EI24: variants seen among roughly 807,000 people sequenced by gnomAD.
EI24 encodes etoposide-induced protein 2.4 homolog.
EI24 carries 21 observed loss-of-function variants against 48.6 expected under a neutral mutation model. The ratio of observed to expected loss-of-function variants is 0.43; its 90% CI spans 0.31 to 0.62. EI24 has a LOEUF of 0.62. Among genes scored for constraint, EI24 ranks in the 20% least tolerant of loss-of-function variants. The probability of loss-of-function intolerance (pLI) is 0.10; values close to 1 mark genes in which losing one functional copy is unlikely to be tolerated. For synonymous variants in EI24, 114 were observed against 145.5 expected, an observed-to-expected ratio of 0.78 and a Z score of 1.56; for missense variants, 280 against 410.5, an observed-to-expected ratio of 0.68 and a Z score of 2.75.
intron 5 of EI24, 90 bp downstream of exon 5, chr11:125,577,660 C>T: frequency 1.9e-6 from 2 of 1,072,844 alleles, no homozygotes; most frequent in Non-Finnish European, 2.7e-6. Context: ...TTCCTGTGTA[C>T]CAGGAGCTTT....
chr11:125,582,278 A>G, intron 9 of EI24, 68 bp from the exon 10 acceptor site: 1 of 1,368,830 alleles, frequency 7.3e-7, no homozygotes. Flanking sequence ...TGGAGCTTCT[A>G]ATATCTTCTT....
rs1450988358 is a variant in EI24 at position 125,583,867 on chromosome 11, C to T, written c.*184C>T. 2.8e-6 allele frequency: 2 copies of T among 706,304 alleles called. No individual in the cohort carries two copies. The highest frequency in any genetic ancestry group is 4.6e-6 in the Non-Finnish European group (2 of 433,920). The allele number at this position is 706,304 out of a possible 1,614,324, so 43.8% of individuals were successfully genotyped here. On this transcript the variant is annotated 3_prime_UTR_variant, in exon 11 of 11. Coordinates refer to ENST00000278903, the MANE Select transcript of EI24 (RefSeq NM_004879.5). ...GCACGTAAGGCAGAATGTTCCCTGA[C>T]ACCAGTGTGTGGATTTTTAACATCA...
chr11:125,571,924 C>A (rs1428182939), intron 1 of EI24, among the ~76,000 whole-genome samples: 2 of 152,152 alleles, frequency 1.3e-5, no homozygotes, highest in Non-Finnish European at 2.9e-5. Context: ...TTTTGGTACG[C>A]AATTTCATGT....
At chr11:125,576,485 A>C (rs1054030627) in intron 4 of EI24, among the ~76,000 whole-genome samples, 170 bp downstream of exon 4, 2 of 152,264 alleles carry the variant, frequency 1.3e-5, no homozygotes, top group African/African-American at 2.4e-5. Context: ...ATTCCCACTC[A>C]GGAAAGCACA....
At position 125,572,579 on chromosome 11, in the gene EI24, T is replaced by C. The variant is rs1426845918; in HGVS notation, c.42+10T>C. Reference sequence around the variant, plus strand: ...CCAGGACCTTGCCAGAGTGAGTACATCTTGTTTATAGGAATTCATCTCTCG... The same window carrying C: ...CCAGGACCTTGCCAGAGTGAGTACACCTTGTTTATAGGAATTCATCTCTCG... On this transcript the variant is annotated intron_variant, in intron 2 of 10. Transcript: ENST00000278903. 4 of 1,612,528 alleles carry C rather than the reference T, an allele frequency of 2.5e-6. No homozygotes were observed. The highest frequency in any genetic ancestry group is 3.4e-6 in the Non-Finnish European group (4 of 1,179,170).
chr11:125,583,314 G>A (rs2135877998), intron 10 of EI24, among the ~76,000 whole-genome samples: 1 of 152,254 alleles, frequency 6.6e-6, no homozygotes, highest in South Asian at 2.1e-4. Context: ...AAAGTGCTGG[G>A]ATTACAGGTA....
rs1287612278 is a variant in EI24, at chr11:125,584,109, A to G, written c.*426A>G. 4.9e-6 allele frequency: 1 copy of G among 203,568 alleles called. No homozygotes were observed. Among genetic ancestry groups the G allele is most frequent in the Non-Finnish European group, 1.0e-5 (1 of 98,068 alleles). The allele number at this position is 203,568 out of a possible 1,614,324, so 12.6% of individuals were successfully genotyped here. On this transcript the variant is annotated 3_prime_UTR_variant, in exon 11 of 11. Transcript: ENST00000278903. ...TAATTTTGTTGTTTTTCTGTGAAAC[A>G]CATACATTGGATATGGGAGGTAAAG... is the stretch of plus-strand genomic sequence containing the variant.
At chr11:125,577,629 C>A in intron 5 of EI24, 59 bp downstream of exon 5, 1 of 1,407,468 alleles carries the variant, frequency 7.1e-7, no homozygotes. Context: ...ATGTTTCAGT[C>A]TCCCTCAGTT....
intron 3 of EI24, chr11:125,575,946 G>A (rs376731976): frequency 1.0e-5 from 4 of 383,500 alleles, no homozygotes; most frequent in East Asian, 6.6e-5. Flanking sequence ...GCACCACCAC[G>A]CCTGGCTAAT....
chr11:125,583,011 AG>A (rs1939077582), intron 10 of EI24, among the ~76,000 whole-genome samples: 1 of 152,224 alleles, frequency 6.6e-6, no homozygotes, highest in Admixed American at 6.5e-5. Flanking sequence ...CTCAAATCAA[AG>A]TTAATCTAAA....
At chr11:125,578,383 A>G (rs1591358218) in intron 6 of EI24, 126 bp downstream of exon 6, 1 of 1,226,248 alleles carries the variant, frequency 8.2e-7, no homozygotes. Flanking sequence ...TTTCTTGGCC[A>G]GGTAGCCAGT....
In EI24 at chr11:125,577,486, G is replaced by A. The variant is rs772631713; in HGVS notation, c.250-18G>A. 1 of 1,607,882 alleles carries A rather than the reference G, an allele frequency of 6.2e-7. No individual in the cohort carries two copies. Among genetic ancestry groups the A allele is most frequent in the East Asian group, 2.2e-5 (1 of 44,820 alleles). Reference sequence around the variant, plus strand: ...AAGACTGGATTTTGATGTTTGCCTTGTTGCTTCTTTTCTTTAGTTCAGTCT... The same window carrying A: ...AAGACTGGATTTTGATGTTTGCCTTATTGCTTCTTTTCTTTAGTTCAGTCT... On this transcript the variant is annotated intron_variant, in intron 4 of 10. Coordinates refer to ENST00000278903, the MANE Select transcript of EI24 (RefSeq NM_004879.5).
chr11:125,574,529 T>G (rs1938657250), intron 2 of EI24, among the ~76,000 whole-genome samples: 1 of 152,242 alleles, frequency 6.6e-6, no homozygotes, highest in South Asian at 2.1e-4. Flanking sequence ...TGCCCATTTC[T>G]CTGTATTCCA....
At chr11:125,582,260 A>T in intron 9 of EI24, 86 bp from the exon 10 acceptor site, 2 of 1,271,414 alleles carry the variant, frequency 1.6e-6, no homozygotes, top group Admixed American at 2.7e-5. Context: ...ACTGGAAGCA[A>T]AAGAACTTGG....
chr11:125,574,137 C>A (rs1938641172), intron 2 of EI24, among the ~76,000 whole-genome samples: 1 of 151,974 alleles, frequency 6.6e-6, no homozygotes, highest in Non-Finnish European at 1.5e-5. Flanking sequence ...CCTATAATCC[C>A]AGCTACTCAG....
intron 9 of EI24, among the ~76,000 whole-genome samples, chr11:125,581,976 T>C (rs1440843753): frequency 6.6e-6 from 1 of 151,902 alleles, no homozygotes; most frequent in African/African-American, 2.4e-5. Context: ...GGTGGGCAGA[T>C]TACCTGAGGT....
intron 6 of EI24, 115 bp from the exon 7 acceptor site, chr11:125,578,834 T>C: frequency 7.7e-7 from 1 of 1,290,696 alleles, no homozygotes; most frequent in Non-Finnish European, 1.1e-6. Context: ...CCCAGCTTAT[T>C]TTTAAATAAG....
intron 6 of EI24, among the ~76,000 whole-genome samples, chr11:125,578,480 C>CTTTTTTTTTTT (rs370986926): frequency 7.1e-5 from 6 of 84,694 alleles, no homozygotes; most frequent in African/African-American, 9.5e-5. Flanking sequence ...TTCGTTTTGG[C>CTTTTTTTTTTT]TTTTTTTTTT....
intron 2 of EI24, among the ~76,000 whole-genome samples, chr11:125,572,846 T>TA (rs1204989922): frequency 4.7e-5 from 7 of 149,902 alleles, no homozygotes; most frequent in Admixed American, 6.6e-5. Flanking sequence ...TTTTTTTTTT[T>TA]AACTTTTTAT....
Sources: gnomAD v4.1 joint callset for allele counts (sites outside exome capture counted in the v4.1 genomes callset) on GRCh38, gnomAD v4.1.1 for gene constraint, MANE v1.5 for transcripts, NCBI Gene and HGNC (gene_info 2026-07-23, HGNC 2026-07-21) for gene names.